RHCG: variants seen among roughly 807,000 people sequenced by gnomAD.
RHCG encodes the protein ammonium transporter Rh type C.
In RHCG, 39 loss-of-function variants were observed where a neutral mutation model predicts 55.3. The ratio of observed to expected loss-of-function variants is 0.70; its 90% CI spans 0.55 to 0.92. The LOEUF is 0.92. RHCG is among the 40% of genes least tolerant of loss of function. The pLI, the probability that RHCG is intolerant of heterozygous loss-of-function variation, is 0.00. For missense variants in RHCG, 635 were observed against 627.9 expected, an observed-to-expected ratio of 1.01 and a Z score of -0.12; for synonymous variants, 250 against 246.8, an observed-to-expected ratio of 1.01 and a Z score of -0.12.
chr15:89,482,174 T>C (rs1037152648), intron 3 of RHCG, among the ~76,000 whole-genome samples: 15 of 152,108 alleles, frequency 9.9e-5, no homozygotes, highest in Non-Finnish European at 2.1e-4. Context: ...TGACCTCAGG[T>C]GATCCGCCTG....
At chr15:89,476,262 G>T (rs1382030780) in intron 9 of RHCG, among the ~76,000 whole-genome samples, 1 of 152,154 alleles carries the variant, frequency 6.6e-6, no homozygotes, top group Non-Finnish European at 1.5e-5. Context: ...TAGAGACAGA[G>T]TCTCCCTATG....
Position 89,472,860 on chromosome 15 carries a change from G to A in RHCG, c.1315C>T (p.Pro439Ser), listed in dbSNP as rs369709095. 2.4e-5 allele frequency: 35 copies of A among 1,464,170 alleles called. No individual in the cohort carries two copies. The highest frequency in any genetic ancestry group is 3.1e-5 in the Non-Finnish European group (34 of 1,098,286). The allele number at this position is 1,464,170 out of a possible 1,614,324, so 90.7% of individuals were successfully genotyped here. A position where few individuals can be genotyped will look rare whatever the true frequency, so the allele number is the denominator to read the frequency against. The change falls in exon 10 of 11, where the codon CCT becomes TCT. Residue 439 changes from proline to serine, a missense_variant. Physicochemically the swap from Pro to Ser is moderately conservative, Grantham distance 74. Coordinates refer to ENST00000268122, the MANE Select transcript of RHCG (RefSeq NM_016321.3). ...CFEDAVYWEM[P>S]EGNSTVYIPE... ...ATGTAGACAGTGCTGTTCCCTTCAG[G>A]CATCTACAGAGAGAGGATGCAACTC...
chr15:89,480,696 G>A (rs1439303237), intron 3 of RHCG, among the ~76,000 whole-genome samples: 2 of 152,202 alleles, frequency 1.3e-5, no homozygotes, highest in African/African-American at 2.4e-5. Flanking sequence ...GAGGAGGTAA[G>A]GCAGAGGCAG....
chr15:89,475,437 G>C (rs1025296282), intron 9 of RHCG, among the ~76,000 whole-genome samples: 2 of 152,220 alleles, frequency 1.3e-5, no homozygotes, highest in East Asian at 3.9e-4. Context: ...GTAGAGACAG[G>C]GTTTTGCCAT....
At chr15:89,474,956 TCCTGCCTG>T (rs1452977257) in intron 9 of RHCG, among the ~76,000 whole-genome samples, 2 of 133,156 alleles carry the variant, frequency 1.5e-5, no homozygotes, top group African/African-American at 7.2e-5. Flanking sequence ...CTTCATTCAT[TCCTGCCTG>T]CCTGCCTTCA....
chr15:89,481,452 A>G (rs76730652), intron 3 of RHCG, among the ~76,000 whole-genome samples: 5 of 141,522 alleles, frequency 3.5e-5, no homozygotes, highest in Admixed American at 7.0e-5. Context: ...TCCATCTCAG[A>G]AAAAAAAAAA....
At chr15:89,483,348 C>T (rs1961303253) in intron 2 of RHCG, 131 bp from the exon 3 acceptor site, 1 of 746,560 alleles carries the variant, frequency 1.3e-6, no homozygotes, top group Non-Finnish European at 2.1e-6. Flanking sequence ...ATCATCTACA[C>T]TAATGGGCAC....
chr15:89,490,859 T>A (rs1189217368), intron 1 of RHCG, among the ~76,000 whole-genome samples: 1 of 151,438 alleles, frequency 6.6e-6, no homozygotes, highest in African/African-American at 2.4e-5. Flanking sequence ...GGAGCTGAGG[T>A]CTGAGATTGG....
intron 1 of RHCG, 129 bp downstream of exon 1, chr15:89,496,232 G>A: frequency 3.4e-6 from 3 of 888,704 alleles, no homozygotes; most frequent in Admixed American, 4.2e-5. Flanking sequence ...CCCTGCAGAG[G>A]CCGGCGAGAT....
At chr15:89,493,623 G>A (rs750207708) in intron 1 of RHCG, among the ~76,000 whole-genome samples, 10 of 152,122 alleles carry the variant, frequency 6.6e-5, no homozygotes, top group African/African-American at 1.2e-4. Flanking sequence ...GAATCACCTC[G>A]CTGCCCAGGA....
chr15:89,479,383 G>A lies in RHCG; in HGVS notation c.776C>T (p.Ala259Val), dbSNP rs1961221340. ...TATTGCCACCGAGGTAAGCACGCAG[G>A]CTGCCAAGGAGCAGTAGGTGTTGAT... The part of the protein sequence containing the change: ...AAINTYCSLA[A>V]CVLTSVAISS... Residue 259 changes from alanine (A) to valine (V), a missense_variant, in exon 5 of 11, where the codon GCC (alanine) becomes GTC (valine). Coordinates refer to ENST00000268122, the MANE Select transcript of RHCG (RefSeq NM_016321.3). The A allele has an allele frequency of 6.2e-7, 1 of 1,614,216 alleles. No homozygotes were observed. The highest frequency in any genetic ancestry group is 2.2e-5 in the East Asian group (1 of 44,874).
In RHCG at chr15:89,477,001, T is replaced by C. The variant is rs1961162851; in HGVS notation, c.1237+81A>G. ...GGATTCCTGGGGGCTCAGGCTGACC[T>C]GTGCCGCATGCCCTTTGCTTCTCCA... On this transcript the variant is annotated intron_variant, in intron 8 of 10. Transcript: ENST00000268122. This position sits in a 1 kb window ranked among gnomAD's most constrained non-coding sequence, Gnocchi z 4.5. The C allele has an allele frequency of 6.3e-7, 1 of 1,596,484 alleles. No homozygotes were observed. The highest frequency in any genetic ancestry group is 2.2e-5 in the East Asian group (1 of 44,730).
chr15:89,496,378 A>G lies in RHCG; in HGVS notation c.167T>C (p.Phe56Ser), dbSNP rs1409242079. The G allele has an allele frequency of 1.2e-6, 2 of 1,613,926 alleles. No homozygotes were observed. ...AGACTTACTTGGGTAGCGATAGTAGAATTCGTTCTCCATGTCGCTCAAGTT... is the reference window on the plus strand; with the variant it reads ...AGACTTACTTGGGTAGCGATAGTAGGATTCGTTCTCCATGTCGCTCAAGTT... ...HKNLSDMENEFYYRYPSFQDV... is the reference protein window; with the variant it reads ...HKNLSDMENESYYRYPSFQDV... The change falls in exon 1 of 11, where the codon TTC (phenylalanine) becomes TCC (serine). Residue 56 changes from phenylalanine (F) to serine (S), a missense_variant. Coordinates refer to ENST00000268122, the MANE Select transcript of RHCG (RefSeq NM_016321.3).
rs1201607746 is a variant in RHCG at position 89,477,235 on chromosome 15, G to A, written c.1113-29C>T. On this transcript the variant is annotated intron_variant, in intron 7 of 10. Coordinates refer to ENST00000268122, the MANE Select transcript of RHCG (RefSeq NM_016321.3). This position sits in a 1 kb window ranked among gnomAD's most constrained non-coding sequence, Gnocchi z 4.5. ...GGGTGGAGACAGGGGGCAGGTCAGGGCCCCATGGAGAGGCCAAGTAACAGC... is the reference window on the plus strand; with the variant it reads ...GGGTGGAGACAGGGGGCAGGTCAGGACCCCATGGAGAGGCCAAGTAACAGC... The A allele has an allele frequency of 1.2e-6, 2 of 1,611,996 alleles. No individual in the cohort carries two copies. Among genetic ancestry groups the A allele is most frequent in the African/African-American group, 2.7e-5 (2 of 74,884 alleles).
intron 2 of RHCG, among the ~76,000 whole-genome samples, chr15:89,484,022 C>T (rs939449703): frequency 6.6e-6 from 1 of 152,200 alleles, no homozygotes; most frequent in Non-Finnish European, 1.5e-5. Context: ...GCAAAGCTGC[C>T]CTCTGGATTC....
In RHCG at chr15:89,487,149, T is replaced by G. The variant is rs114244192; in HGVS notation, c.185-164A>C. 8.3e-3 allele frequency among the ~76,000 whole-genome samples: 1,270 copies of G among 152,136 alleles called. 20 individuals carry two copies. Among genetic ancestry groups the G allele is most frequent in the African/African-American group, 0.029 (1,216 of 41,538 alleles). ...GTTCCCCCACCCCCACCCCCACATC[T>G]GAACCCTGGGGCTGGGCAAGGTAAC... On this transcript the variant is annotated intron_variant, in intron 1 of 10. Transcript: ENST00000268122.
chr15:89,487,137 C>T (rs912921297), intron 1 of RHCG, 152 bp from the exon 2 acceptor site: 5 of 655,658 alleles, frequency 7.6e-6, no homozygotes, highest in Non-Finnish European at 9.6e-6. Context: ...CCCCCACCCC[C>T]ACCCCCACAT....
At chr15:89,485,156 C>T (rs1443780874) in intron 2 of RHCG, among the ~76,000 whole-genome samples, 1 of 152,108 alleles carries the variant, frequency 6.6e-6, no homozygotes, top group Non-Finnish European at 1.5e-5. Flanking sequence ...TCACCAAAAG[C>T]CTGTTAACTC....
At chr15:89,487,247 G>T (rs557389948) in intron 1 of RHCG, among the ~76,000 whole-genome samples, 1 of 152,296 alleles carries the variant, frequency 6.6e-6, no homozygotes, top group Admixed American at 6.5e-5. Context: ...GACCCGAGGT[G>T]GGCCCCCACC....
Sources: allele counts gnomAD v4.1 joint callset (sites outside exome capture counted in the v4.1 genomes callset), GRCh38; gene constraint gnomAD v4.1.1; non-coding constraint Gnocchi (gnomAD v3.1); transcripts MANE v1.5; gene names NCBI Gene and HGNC (gene_info 2026-07-23, HGNC 2026-07-21).